The following RIF1 variants were observed in gnomAD, a reference collection of about 807,000 sequenced individuals.
RIF1 encodes the protein telomere-associated protein RIF1.
In RIF1, 45 loss-of-function variants were observed where a neutral mutation model predicts 247.1. The observed-to-expected ratio is 0.18, with a 90% CI of 0.14 to 0.23. The LOEUF (loss-of-function observed/expected upper bound fraction) is 0.23, where lower values mean the gene tolerates loss of function less well. Ranked by LOEUF, RIF1 falls within the 10% of genes least tolerant of loss-of-function variation. RIF1 has a pLI of 1.00. For synonymous variants in RIF1, 1,087 were observed against 978.8 expected (o/e 1.11, Z -2.06); for missense variants, 2,967 against 2,862.5 (o/e 1.04, Z -0.83).
rs1176466490 is a variant in RIF1, at chr2:151,480,454, A to G, written c.*5383A>G. The G allele has an allele frequency of 6.6e-6, 1 of 152,194 alleles. No homozygotes were observed. Among genetic ancestry groups the G allele is most frequent in the African/African-American group, 2.4e-5 (1 of 41,446 alleles). The allele number at this position is 152,194 out of a possible 1,614,324, so 9.4% of individuals were successfully genotyped here. ...ATTTAGTAGAGAGACAAGCTGTCCT[A>G]TATACTCCTGTATACTTCAGAAATA... is the stretch of plus-strand genomic sequence containing the variant. On this transcript the variant is annotated 3_prime_UTR_variant, in exon 36 of 36. Transcript: ENST00000444746.
At chr2:151,434,232 T>A (rs1270416892) in intron 10 of RIF1, among the ~76,000 whole-genome samples, 13 of 151,958 alleles carry the variant, frequency 8.6e-5, no homozygotes. Context: ...GACCAGTTCT[T>A]GTTTTTTTAT....
At position 151,464,504 on chromosome 2, in the gene RIF1, T is replaced by A. The variant is rs768168366; in HGVS notation, c.4984T>A (p.Tyr1662Asn). 2.2e-5 allele frequency: 36 copies of A among 1,612,522 alleles called. No homozygotes were observed. In the South Asian group the frequency reaches 3.8e-4, roughly 17 times the overall value. Residue 1662 changes from tyrosine to asparagine, a missense_variant, in exon 30 of 36, where the codon TAT becomes AAT. Tyr to Asn is a moderately radical substitution (Grantham distance 143, BLOSUM62 -2). Transcript: ENST00000444746. ...AAATGAAACTAGCAAATATGCAGAATATTCCTTTACAAGTCTACCTGTGCC... is the reference window on the plus strand; with the variant it reads ...AAATGAAACTAGCAAATATGCAGAAAATTCCTTTACAAGTCTACCTGTGCC... ...EKNETSKYAE[Y>N]SFTSLPVPES... is the part of the protein sequence containing the mutation.
intron 13 of RIF1, chr2:151,507,666 C>T (rs1046019937): frequency 3.3e-5 from 8 of 242,694 alleles, no homozygotes; most frequent in East Asian, 8.7e-5. Flanking sequence ...TTTGGGTAGT[C>T]ATTTCTGAAG....
the RIF1 span, chr2:151,526,944 G>T: frequency 6.2e-7 from 1 of 1,600,808 alleles, no homozygotes; most frequent in Non-Finnish European, 8.5e-7. Flanking sequence ...GTATTCCTGA[G>T]GGCGAGCACC....
At chr2:151,527,494 A>C in the RIF1 span, 1 of 1,612,872 alleles carries the variant, frequency 6.2e-7, no homozygotes, top group South Asian at 1.1e-5. Flanking sequence ...GCTTTGCTGC[A>C]GGGATGACTT....
At chr2:151,442,501 ATGC>A (rs1409459856) in intron 16 of RIF1, among the ~76,000 whole-genome samples, 2 of 151,994 alleles carry the variant, frequency 1.3e-5, no homozygotes, top group African/African-American at 2.4e-5. Flanking sequence ...AGAATTAAAT[ATGC>A]TGCTATGTGA....
downstream of RIF1, chr2:151,486,568 T>G (rs78982474): frequency 6.6e-6 from 1 of 152,286 alleles, no homozygotes; most frequent in Non-Finnish European, 1.5e-5. Flanking sequence ...GTAGCAGCAT[T>G]ACTCATAATA....
At chr2:151,418,999 A>G (rs1231758269) in intron 6 of RIF1, among the ~76,000 whole-genome samples, 2 of 120,346 alleles carry the variant, frequency 1.7e-5, no homozygotes, top group East Asian at 2.2e-4. Context: ...TTTAACTTTC[A>G]TAACTTTTTG....
intron 11 of RIF1, among the ~76,000 whole-genome samples, chr2:151,500,431 T>C (rs1382244250): frequency 1.6e-5 from 2 of 126,696 alleles, no homozygotes; most frequent in East Asian, 2.3e-4. Flanking sequence ...AATACACAAA[T>C]AATTTGTGTG....
At chr2:151,460,205 AT>A (rs1695904883) in intron 26 of RIF1, 86 bp downstream of exon 26, 10 of 1,060,824 alleles carry the variant, frequency 9.4e-6, no homozygotes, top group Non-Finnish European at 1.3e-5. Flanking sequence ...TGAAAGAACT[AT>A]AAAAGACTAA....
At chr2:151,513,421 T>G in the RIF1 span, among the ~76,000 whole-genome samples, 1 of 152,224 alleles carries the variant, frequency 6.6e-6, no homozygotes, top group Non-Finnish European at 1.5e-5. Context: ...CAAAGGGTCC[T>G]CCATCCTTTC....
chr2:151,427,262 G>A (rs761353893), intron 8 of RIF1, among the ~76,000 whole-genome samples: 3 of 151,260 alleles, frequency 2.0e-5, no homozygotes, highest in Non-Finnish European at 4.4e-5. Flanking sequence ...GCCCAGGCTG[G>A]AGTGCAAACA....
chr2:151,440,850 A>G (rs117328605), intron 15 of RIF1, among the ~76,000 whole-genome samples: 8 of 152,352 alleles, frequency 5.3e-5, no homozygotes, highest in Non-Finnish European at 7.3e-5. Flanking sequence ...AAGTGAATTG[A>G]TACATGGAAA....
chr2:151,460,995 C>G (rs553275066), intron 26 of RIF1, 143 bp from the exon 27 acceptor site: 19 of 724,226 alleles, frequency 2.6e-5, no homozygotes, highest in Middle Eastern at 4.1e-4. Flanking sequence ...GAACATTGTA[C>G]TAATTTGTTA....
intron 7 of RIF1, among the ~76,000 whole-genome samples, chr2:151,422,724 T>C (rs1688390259): frequency 6.6e-6 from 1 of 151,898 alleles, no homozygotes; most frequent in Non-Finnish European, 1.5e-5. Context: ...AGTCTTGAAC[T>C]CCTGACTTCA....
rs1695530512 is a variant in RIF1 at position 151,458,225 on chromosome 2, GAT to G, written c.2855+263_2855+264del. ...GAGACAAGGAGGACAGGAAATAGAT[GAT>G]TTTTTTTTTTTTTTTTTTTTTTTGA... On this transcript the variant is annotated intron_variant, in intron 24 of 35. Transcript: ENST00000444746. Among the ~76,000 whole-genome samples the G allele has an allele frequency of 2.6e-5, 3 of 115,200 alleles. 1 individual carries two copies. Among genetic ancestry groups the G allele is most frequent in the African/African-American group, 3.0e-5 (1 of 33,512 alleles). 75.6% of individuals were successfully genotyped at this position (115,200 alleles called of 152,430 possible).
chr2:151,514,606 T>C, the RIF1 span, among the ~76,000 whole-genome samples: 1 of 152,160 alleles, frequency 6.6e-6, no homozygotes, highest in Admixed American at 6.5e-5. Context: ...AAATGAAAGC[T>C]TGAAGTTAAT....
intron 10 of RIF1, among the ~76,000 whole-genome samples, chr2:151,435,196 TA>T (rs1487680186): frequency 1.3e-5 from 2 of 152,212 alleles, no homozygotes; most frequent in African/African-American, 4.8e-5. Context: ...TCCAGAGTTT[TA>T]AAAAGTTAAA....
At chr2:151,468,911 C>T (rs1213889807) in intron 33 of RIF1, among the ~76,000 whole-genome samples, 155 bp downstream of exon 33, 1 of 152,050 alleles carries the variant, frequency 6.6e-6, no homozygotes, top group Non-Finnish European at 1.5e-5. Context: ...GAAGGTAGGC[C>T]AGATAAGGCA....
Sources: gnomAD v4.1 joint callset for allele counts (sites outside exome capture counted in the v4.1 genomes callset) on GRCh38, gnomAD v4.1.1 for gene constraint, MANE v1.5 for transcripts, NCBI Gene and HGNC (gene_info 2026-07-23, HGNC 2026-07-21) for gene names.